The following SCIN variants were observed in gnomAD, a reference collection of about 807,000 sequenced individuals.
SCIN encodes adseverin.
In SCIN, 91 loss-of-function variants were observed where a neutral mutation model predicts 91.8. The ratio of observed to expected loss-of-function variants is 0.99; its 90% CI spans 0.84 to 1.18. The LOEUF is 1.18. SCIN is among the 50% of genes most tolerant of loss of function. The pLI is 0.00. For missense variants in SCIN, 1,087 were observed against 863.9 expected, an observed-to-expected ratio of 1.26 and a Z score of -3.24; for synonymous variants, 367 against 312.6, an observed-to-expected ratio of 1.17 and a Z score of -1.84.
At chr7:12,614,762 C>T (rs1783265573) in intron 4 of SCIN, among the ~76,000 whole-genome samples, 1 of 152,166 alleles carries the variant, frequency 6.6e-6, no homozygotes, top group Non-Finnish European at 1.5e-5. Flanking sequence ...GGACACAGTA[C>T]AGCTCCATGG....
At chr7:12,593,824 C>T (rs1421264560) in intron 3 of SCIN, among the ~76,000 whole-genome samples, 1 of 151,384 alleles carries the variant, frequency 6.6e-6, no homozygotes, top group Admixed American at 6.6e-5. Context: ...TAGTAGGATC[C>T]TGCTGATGAA....
intron 1 of SCIN, among the ~76,000 whole-genome samples, chr7:12,577,301 A>T (rs1468584861): frequency 6.6e-6 from 1 of 152,212 alleles, no homozygotes; most frequent in Non-Finnish European, 1.5e-5. Flanking sequence ...TCCCATTGTA[A>T]AAACCACTTA....
In SCIN at chr7:12,649,557, T is replaced by A; in HGVS notation, c.1959+13T>A. 1 of 1,570,686 alleles carries A rather than the reference T, an allele frequency of 6.4e-7. No individual in the cohort carries two copies. Among genetic ancestry groups the A allele is most frequent in the Non-Finnish European group, 8.7e-7 (1 of 1,151,884 alleles). ...TGCTTGGGAACAGGTAAAACTACAT[T>A]TTGTTCATAAGAAGAGAATGCATTT... is the stretch of plus-strand genomic sequence containing the variant. On this transcript the variant is annotated intron_variant, in intron 14 of 15. Coordinates refer to ENST00000297029, the MANE Select transcript of SCIN (RefSeq NM_001112706.3).
chr7:12,594,162 C>G (rs1782787162), intron 3 of SCIN, among the ~76,000 whole-genome samples: 1 of 151,880 alleles, frequency 6.6e-6, no homozygotes, highest in Non-Finnish European at 1.5e-5. Flanking sequence ...GACTCAGAGT[C>G]AGAAGTGGGT....
rs1226209205 is a variant in SCIN at position 12,657,852 on chromosome 7, T to C, written c.*5137T>C. The C allele has an allele frequency of 2.0e-5, 3 of 151,944 alleles. No homozygotes were observed. 9.4% of individuals were successfully genotyped at this position (151,944 alleles called of 1,614,324 possible). A position where few individuals can be genotyped will look rare whatever the true frequency, so the allele number is the denominator to read the frequency against. On this transcript the variant is annotated 3_prime_UTR_variant, in exon 16 of 16. Coordinates refer to ENST00000297029, the MANE Select transcript of SCIN (RefSeq NM_001112706.3). The stretch of plus-strand genomic sequence containing the variant: ...TGTCTCCATTTCTTCGGAATGATAA[T>C]TTCTAATATACTTTTCTTCTATTAT...
intron 3 of SCIN, among the ~76,000 whole-genome samples, chr7:12,586,190 A>G (rs1562597731): frequency 1.3e-5 from 2 of 152,236 alleles, no homozygotes; most frequent in Non-Finnish European, 2.9e-5. Flanking sequence ...TGGCTCATGC[A>G]GCCACATGTC....
intron 5 of SCIN, among the ~76,000 whole-genome samples, chr7:12,623,459 C>G (rs1343453843): frequency 6.6e-6 from 1 of 152,286 alleles, no homozygotes; most frequent in East Asian, 1.9e-4. Context: ...CACTCTGGGT[C>G]TAAGTATTCT....
In SCIN at chr7:12,619,318, G is replaced by A. The variant is rs149789210; in HGVS notation, c.667-3483G>A. Among the ~76,000 whole-genome samples, 596 of 152,214 alleles carry A rather than the reference G, an allele frequency of 3.9e-3. 3 individuals are homozygous for A. Among genetic ancestry groups the A allele is most frequent in the African/African-American group, 0.014 (569 of 41,530 alleles). On this transcript the variant is annotated intron_variant, in intron 4 of 15. Transcript: ENST00000297029. ...AAGGGAAACCACATCTTGAGAACAA[G>A]CCAGTGTAAATGTTGGAAGTTTTTA...
Position 12,658,734 on chromosome 7 carries a change from C to T in SCIN, c.*6019C>T, listed in dbSNP as rs1784211644. On this transcript the variant is annotated 3_prime_UTR_variant, in exon 16 of 16. Coordinates refer to ENST00000297029, the MANE Select transcript of SCIN (RefSeq NM_001112706.3). ...GCACCCTCTGCTGTGGGAAGGAGTC[C>T]TCAAGGTATTAATATACATCCTATC... 6.6e-6 allele frequency: 1 copy of T among 152,092 alleles called. No individual in the cohort carries two copies. The allele number at this position is 152,092 out of a possible 1,614,324, so 9.4% of individuals were successfully genotyped here. A position where few individuals can be genotyped will look rare whatever the true frequency, so the allele number is the denominator to read the frequency against.
rs918402268 is a variant in SCIN at position 12,657,044 on chromosome 7, G to C, written c.*4329G>C. ...TACAGGAGAGGATATAGTGAAACTG[G>C]AGCTTACATCCACTACTTGGGAAGT... On this transcript the variant is annotated 3_prime_UTR_variant, in exon 16 of 16. Coordinates refer to ENST00000297029, the MANE Select transcript of SCIN (RefSeq NM_001112706.3). 1.3e-5 allele frequency: 2 copies of C among 151,810 alleles called. No homozygotes were observed. The highest frequency in any genetic ancestry group is 2.9e-5 in the Non-Finnish European group (2 of 67,980). The allele number at this position is 151,810 out of a possible 1,614,324, so 9.4% of individuals were successfully genotyped here.
intron 3 of SCIN, chr7:12,588,868 C>A (rs1424991370): frequency 7.1e-6 from 1 of 141,038 alleles, no homozygotes; most frequent in Non-Finnish European, 1.5e-5. Flanking sequence ...CAACTTGTTC[C>A]TAACATTCCA....
At position 12,651,373 on chromosome 7, in the gene SCIN, C is replaced by T. The variant is rs1360481635; in HGVS notation, c.1960-468C>T. On this transcript the variant is annotated intron_variant, in intron 14 of 15. Transcript: ENST00000297029. This position sits in a 1 kb window ranked among gnomAD's most constrained non-coding sequence, Gnocchi z 5.9. ...CACCACTGCAGATTCTCTACAGATGCAGATCTTCCCCTACAAAAGGCAGAT... is the reference window on the plus strand; with the variant it reads ...CACCACTGCAGATTCTCTACAGATGTAGATCTTCCCCTACAAAAGGCAGAT... 6.6e-6 allele frequency among the ~76,000 whole-genome samples: 1 copy of T among 152,188 alleles called. No homozygotes were observed.
chr7:12,596,852 C>T (rs1782853646), intron 3 of SCIN, among the ~76,000 whole-genome samples: 1 of 152,170 alleles, frequency 6.6e-6, no homozygotes, highest in Admixed American at 6.5e-5. Flanking sequence ...TTTTCCTTTT[C>T]CCTGTCCCTC....
intron 3 of SCIN, among the ~76,000 whole-genome samples, chr7:12,592,724 C>A (rs1442238728): frequency 6.6e-6 from 1 of 151,298 alleles, no homozygotes; most frequent in African/African-American, 2.4e-5. Context: ...TGGCATCAAA[C>A]AGGGAACAAG....
At chr7:12,598,148 C>T (rs918698978) in intron 3 of SCIN, among the ~76,000 whole-genome samples, 4 of 152,198 alleles carry the variant, frequency 2.6e-5, no homozygotes, top group African/African-American at 9.7e-5. Context: ...AAGCATTATA[C>T]ATAAAATAAC....
intron 3 of SCIN, among the ~76,000 whole-genome samples, chr7:12,583,789 C>G (rs939341657): frequency 6.6e-6 from 1 of 152,046 alleles, no homozygotes; most frequent in African/African-American, 2.4e-5. Flanking sequence ...TCCAGGTTCA[C>G]GTAATAGGGA....
chr7:12,606,855 G>A (rs1396553704), intron 4 of SCIN, among the ~76,000 whole-genome samples: 1 of 152,136 alleles, frequency 6.6e-6, no homozygotes, highest in African/African-American at 2.4e-5. Flanking sequence ...TCATTGGTTA[G>A]AATAACATAG....
At chr7:12,601,951 T>C (rs536261428) in intron 3 of SCIN, among the ~76,000 whole-genome samples, 4 of 152,344 alleles carry the variant, frequency 2.6e-5, no homozygotes, top group African/African-American at 7.2e-5. Context: ...CATCCTCTTA[T>C]TGATGGGCAT....
Position 12,640,472 on chromosome 7 carries a change from C to G in SCIN, c.1536C>G (p.Leu512=), listed in dbSNP as rs1344065144. 3.1e-6 allele frequency: 5 copies of G among 1,612,740 alleles called. No homozygotes were observed. Among genetic ancestry groups the G allele is most frequent in the South Asian group, 1.1e-5 (1 of 90,836 alleles). The change falls in exon 11 of 16, where the codon CTC becomes CTG. Residue 512 remains leucine, a synonymous_variant. Transcript: ENST00000297029. ...GGQAPAPPTR[L]FQVRRNLASI... ...AGGCACCTGCTCCCCCTACACGCCT[C>G]TTTCAAGTCCGGAGAAACCTGGCAT...
Sources: allele counts gnomAD v4.1 joint callset (sites outside exome capture counted in the v4.1 genomes callset), GRCh38; gene constraint gnomAD v4.1.1; non-coding constraint Gnocchi (gnomAD v3.1); transcripts MANE v1.5; gene names NCBI Gene and HGNC (gene_info 2026-07-23, HGNC 2026-07-21).